Variants in SLAIN2 observed in about 807,000 individuals in gnomAD.
The protein encoded by SLAIN2 is SLAIN family member 2, also known as SLAIN motif-containing protein 2.
Under a neutral mutation model 56.6 loss-of-function variants are expected in SLAIN2, and 31 were observed. The observed-to-expected ratio is 0.55, with a 90% CI of 0.41 to 0.74. The LOEUF (loss-of-function observed/expected upper bound fraction) is 0.74, where lower values mean the gene tolerates loss of function less well. SLAIN2 is among the 30% of genes least tolerant of loss of function. The pLI, the probability that SLAIN2 is intolerant of heterozygous loss-of-function variation, is 0.00. For synonymous variants in SLAIN2, 317 were observed against 284.9 expected, an observed-to-expected ratio of 1.11 and a Z score of -1.13; for missense variants, 777 against 754.2, an observed-to-expected ratio of 1.03 and a Z score of -0.35.
chr4:48,410,631 C>T (rs898115300), intron 6 of SLAIN2, among the ~76,000 whole-genome samples: 5 of 152,184 alleles, frequency 3.3e-5, no homozygotes, highest in Admixed American at 6.5e-5. Context: ...AGTCCGGCTC[C>T]GCTTGCAGTA....
intron 6 of SLAIN2, among the ~76,000 whole-genome samples, chr4:48,400,707 C>T (rs915110751): frequency 4.6e-5 from 7 of 151,792 alleles, no homozygotes; most frequent in Non-Finnish European, 1.0e-4. Flanking sequence ...GGTCCCTTTT[C>T]TTCTTTATTA....
At chr4:48,407,557 G>T (rs1449596187) in intron 6 of SLAIN2, among the ~76,000 whole-genome samples, 2 of 151,446 alleles carry the variant, frequency 1.3e-5, no homozygotes, top group African/African-American at 4.9e-5. Flanking sequence ...CTTTTCTATT[G>T]CTCATTTTTC....
Position 48,341,863 on chromosome 4 carries a change from G to A in SLAIN2, c.124G>A (p.Gly42Ser). ...RSRSGAVQGA[G>S]SLGPGSPVRA... ...CCGCTCGGGGGCCGTGCAGGGCGCC[G>A]GCTCCCTTGGGCCCGGCAGCCCGGT... Residue 42 changes from glycine (G) to serine (S), a missense_variant, in exon 1 of 8, where the codon GGC becomes AGC. Transcript: ENST00000264313. 6.6e-7 allele frequency: 1 copy of A among 1,519,420 alleles called. No homozygotes were observed. The highest frequency in any genetic ancestry group is 8.8e-7 in the Non-Finnish European group (1 of 1,134,248). The allele number at this position is 1,519,420 out of a possible 1,614,324, so 94.1% of individuals were successfully genotyped here.
intron 4 of SLAIN2, among the ~76,000 whole-genome samples, chr4:48,380,658 A>G (rs1715947157): frequency 1.3e-5 from 2 of 152,188 alleles, no homozygotes; most frequent in Admixed American, 6.5e-5. Flanking sequence ...AGTGCATTTC[A>G]TTAGAAGATG....
chr4:48,359,472 C>T (rs1715257764), intron 1 of SLAIN2, among the ~76,000 whole-genome samples: 1 of 152,212 alleles, frequency 6.6e-6, no homozygotes, highest in African/African-American at 2.4e-5. Context: ...AAAGTGATTA[C>T]TGCGGTTACC....
At chr4:48,390,303 T>G (rs1716206904) in intron 6 of SLAIN2, among the ~76,000 whole-genome samples, 1 of 152,014 alleles carries the variant, frequency 6.6e-6, no homozygotes, top group Non-Finnish European at 1.5e-5. Flanking sequence ...GGTCTTGAAC[T>G]CCTCATCTTA....
intron 1 of SLAIN2, among the ~76,000 whole-genome samples, chr4:48,367,254 G>A (rs550241869): frequency 6.6e-6 from 1 of 152,254 alleles, no homozygotes; most frequent in South Asian, 2.1e-4. Flanking sequence ...AATATCATAC[G>A]GGCCAACGCC....
rs1717289926 is a variant in SLAIN2, at chr4:48,426,017, G to C, written c.*3940G>C. ...CGAAAGTAATAGAAACTCTGCTGTA[G>C]AACATAAACTAAAAATATTAAAAAG... On this transcript the variant is annotated 3_prime_UTR_variant, in exon 8 of 8. Transcript: ENST00000264313. The C allele has an allele frequency of 1.3e-5, 2 of 151,992 alleles. No homozygotes were observed. Among genetic ancestry groups the C allele is most frequent in the Admixed American group, 6.5e-5 (1 of 15,268 alleles). 9.4% of individuals were successfully genotyped at this position (151,992 alleles called of 1,614,324 possible). A position where few individuals can be genotyped will look rare whatever the true frequency, so the allele number is the denominator to read the frequency against.
intron 3 of SLAIN2, among the ~76,000 whole-genome samples, chr4:48,378,491 A>G (rs1488966980): frequency 1.3e-5 from 2 of 152,222 alleles, no homozygotes; most frequent in African/African-American, 4.8e-5. Context: ...GGGGCAGTAA[A>G]TGATGTGGGA....
At chr4:48,356,460 A>G (rs952797902) in intron 1 of SLAIN2, among the ~76,000 whole-genome samples, 1 of 152,158 alleles carries the variant, frequency 6.6e-6, no homozygotes, top group African/African-American at 2.4e-5. Flanking sequence ...AAAGATATGT[A>G]CTAGTAGCTG....
chr4:48,385,713 G>A (rs868528479), intron 6 of SLAIN2, among the ~76,000 whole-genome samples: 5 of 150,220 alleles, frequency 3.3e-5, no homozygotes, highest in Middle Eastern at 6.9e-3. Context: ...GGCTCACTGC[G>A]GCCTCACCTT....
chr4:48,419,801 T>G (rs928705901), intron 6 of SLAIN2, among the ~76,000 whole-genome samples: 5 of 152,192 alleles, frequency 3.3e-5, no homozygotes, highest in Non-Finnish European at 7.3e-5. Flanking sequence ...TCTAGAATGT[T>G]TGTTCATATG....
At chr4:48,410,676 G>C (rs1716822462) in intron 6 of SLAIN2, among the ~76,000 whole-genome samples, 1 of 152,134 alleles carries the variant, frequency 6.6e-6, no homozygotes, top group South Asian at 2.1e-4. Context: ...TGCAGCACCA[G>C]CACCAGGACC....
chr4:48,378,139 C>T (rs1230860818), intron 3 of SLAIN2, 79 bp downstream of exon 3: 6 of 1,438,644 alleles, frequency 4.2e-6, no homozygotes, highest in Non-Finnish European at 5.7e-6. Context: ...CATTCATCTG[C>T]AGTTCGAGTT....
chr4:48,372,011 C>T (rs1289001072), intron 2 of SLAIN2, among the ~76,000 whole-genome samples: 1 of 149,592 alleles, frequency 6.7e-6, no homozygotes, highest in Admixed American at 6.7e-5. Context: ...CACACACACA[C>T]ATATACATAT....
intron 6 of SLAIN2, among the ~76,000 whole-genome samples, chr4:48,391,149 C>T (rs1418528923): frequency 6.6e-6 from 1 of 152,076 alleles, no homozygotes; most frequent in Admixed American, 6.6e-5. Context: ...AATCACTGTA[C>T]CATTGTTGTT....
In SLAIN2 at chr4:48,424,634, G is replaced by T. The variant is rs1717251500; in HGVS notation, c.*2557G>T. On this transcript the variant is annotated 3_prime_UTR_variant, in exon 8 of 8. Coordinates refer to ENST00000264313, the MANE Select transcript of SLAIN2 (RefSeq NM_020846.2). ...GATCATTTTTCTACAAAACTTGTTTGTACAATATAAAACACTCTCTGAAGA... is the reference window on the plus strand; with the variant it reads ...GATCATTTTTCTACAAAACTTGTTTTTACAATATAAAACACTCTCTGAAGA... 1 of 151,952 alleles carries T rather than the reference G, an allele frequency of 6.6e-6. No homozygotes were observed. Among genetic ancestry groups the T allele is most frequent in the African/African-American group, 2.4e-5 (1 of 41,376 alleles). 9.4% of individuals were successfully genotyped at this position (151,952 alleles called of 1,614,324 possible). A position where few individuals can be genotyped will look rare whatever the true frequency, so the allele number is the denominator to read the frequency against.
intron 1 of SLAIN2, among the ~76,000 whole-genome samples, chr4:48,358,955 G>C (rs1230954266): frequency 6.8e-6 from 1 of 148,084 alleles, no homozygotes; most frequent in Middle Eastern, 3.8e-3. Context: ...TCCTGACCTC[G>C]GGTGATCCGC....
rs761572563 is a variant in SLAIN2, at chr4:48,382,719, T to G, written c.1014T>G (p.Ala338=). 1.4e-5 allele frequency: 22 copies of G among 1,613,756 alleles called. No homozygotes were observed. Among genetic ancestry groups the G allele is most frequent in the Non-Finnish European group, 1.9e-5 (22 of 1,179,886 alleles). The change falls in exon 5 of 8, where the codon GCT becomes GCG. Residue 338 remains alanine (A), a synonymous_variant. Transcript: ENST00000264313. ...DDNMHHAVYP[A]VNRFSPSPRN... is the part of the protein sequence containing the mutation. ...ATATGCATCATGCAGTATACCCTGC[T>G]GTTAACAGGTTTTCACCATCACCAC...
Sources: gnomAD v4.1 joint callset for allele counts (sites outside exome capture counted in the v4.1 genomes callset) on GRCh38, gnomAD v4.1.1 for gene constraint, MANE v1.5 for transcripts, NCBI Gene and HGNC (gene_info 2026-07-23, HGNC 2026-07-21) for gene names.